The following TBX5 variants were observed in gnomAD, a reference collection of about 807,000 sequenced individuals.
TBX5 encodes T-box transcription factor TBX5.
TBX5 carries 8 observed loss-of-function variants against 51.1 expected under a neutral mutation model. The ratio of observed to expected loss-of-function variants is 0.16; its 90% CI spans 0.09 to 0.28. The LOEUF (loss-of-function observed/expected upper bound fraction) is 0.28, where lower values mean the gene tolerates loss of function less well. Among genes scored for constraint, TBX5 ranks in the 10% least tolerant of loss-of-function variants. The pLI, the probability that TBX5 is intolerant of heterozygous loss-of-function variation, is 1.00. For synonymous variants in TBX5, 302 were observed against 266.4 expected (o/e 1.13, Z -1.30); for missense variants, 589 against 671.7 (o/e 0.88, Z 1.36).
Position 114,366,035 on chromosome 12 carries a change from T to C in TBX5, c.982+130A>G, listed in dbSNP as rs891219677. On this transcript the variant is annotated intron_variant, in intron 8 of 8. Coordinates refer to ENST00000405440, the MANE Select transcript of TBX5 (RefSeq NM_181486.4). ...TTGGTTTAAATTTCTTATCTCCATA[T>C]ATTTTTGTGTTGTTTACATTTTTAA... 9 of 1,075,246 alleles carry C rather than the reference T, an allele frequency of 8.4e-6. No individual in the cohort carries two copies. The African/African-American group carries it at 1.1e-4, about 13-fold the overall frequency. 66.6% of individuals were successfully genotyped at this position (1,075,246 alleles called of 1,614,324 possible). A position where few individuals can be genotyped will look rare whatever the true frequency, so the allele number is the denominator to read the frequency against.
upstream of TBX5, chr12:114,407,708 A>G: frequency 2.1e-6 from 2 of 939,934 alleles, no homozygotes; most frequent in Non-Finnish European, 2.5e-6. Context: ...AAGTAGCAGC[A>G]CAGCAAGAGA....
intron 8 of TBX5, among the ~76,000 whole-genome samples, chr12:114,363,575 T>A (rs1450529965): frequency 3.3e-5 from 5 of 152,304 alleles, no homozygotes; most frequent in Middle Eastern, 3.4e-3. Context: ...TGACCCAGTC[T>A]CAAAGACAGA....
chr12:114,407,203 C>A, upstream of TBX5: 1 of 730,806 alleles, frequency 1.4e-6, no homozygotes, highest in Non-Finnish European at 1.7e-6. Context: ...GAATGTGGGG[C>A]AACCGGGGAG....
intron 6 of TBX5, among the ~76,000 whole-genome samples, chr12:114,389,069 C>G (rs1194347722): frequency 6.6e-6 from 1 of 152,030 alleles, no homozygotes; most frequent in Non-Finnish European, 1.5e-5. Flanking sequence ...GCTGAGATGA[C>G]AGGTGCCCAC....
At chr12:114,369,139 G>A (rs1869718623) in intron 7 of TBX5, among the ~76,000 whole-genome samples, 1 of 152,116 alleles carries the variant, frequency 6.6e-6, no homozygotes, top group South Asian at 2.1e-4. Flanking sequence ...CAAGAGGAAG[G>A]GGGAAATCTC....
At chr12:114,398,004 G>A (rs1022065500) in intron 5 of TBX5, among the ~76,000 whole-genome samples, 3 of 152,200 alleles carry the variant, frequency 2.0e-5, no homozygotes, top group African/African-American at 7.2e-5. Flanking sequence ...TATCCACTGG[G>A]CTAGGAGGTC....
intron 7 of TBX5, among the ~76,000 whole-genome samples, chr12:114,381,140 T>C (rs950908223): frequency 6.6e-6 from 1 of 151,808 alleles, no homozygotes; most frequent in Admixed American, 6.6e-5. Context: ...ACACAGGGAG[T>C]TGGGCCAAGA....
intron 6 of TBX5, among the ~76,000 whole-genome samples, chr12:114,392,377 G>A (rs375725083): frequency 2.0e-5 from 3 of 152,184 alleles, no homozygotes; most frequent in East Asian, 3.9e-4. Flanking sequence ...TTATCTAGTT[G>A]TCTGTTTCAA....
chr12:114,405,032 G>T (rs569913531), intron 1 of TBX5, among the ~76,000 whole-genome samples: 65 of 152,282 alleles, frequency 4.3e-4, no homozygotes, highest in South Asian at 6.2e-4. Flanking sequence ...TCTTCTATAC[G>T]CAAGTAGGAA....
intron 8 of TBX5, among the ~76,000 whole-genome samples, chr12:114,362,727 C>T (rs990006576): frequency 6.6e-6 from 1 of 152,164 alleles, no homozygotes; most frequent in African/African-American, 2.4e-5. Flanking sequence ...TGCAGTGGTG[C>T]AATCACAGCT....
At chr12:114,358,740 C>A (rs184392132) in intron 8 of TBX5, among the ~76,000 whole-genome samples, 1 of 152,022 alleles carries the variant, frequency 6.6e-6, no homozygotes, top group East Asian at 1.9e-4. Context: ...GATGAATGAA[C>A]GGCCACATTT....
In TBX5 at chr12:114,355,709, G is replaced by A. The variant is rs575162861; in HGVS notation, c.1380C>T (p.Ser460=). 3.2e-5 allele frequency: 51 copies of A among 1,614,144 alleles called. No homozygotes were observed. In the South Asian group the frequency reaches 3.2e-4, roughly 10 times the overall value. ...LGEGMFQHQT[S]VAHQPVVRQC... is the part of the protein sequence containing the mutation. ...GCCTGACCACAGGCTGGTGGGCCAC[G>A]GAGGTCTGGTGCTGGAACATTCCCT... Residue 460 remains serine (S), a synonymous_variant, in exon 9 of 9, where the codon TCC becomes TCT. Coordinates refer to ENST00000405440, the MANE Select transcript of TBX5 (RefSeq NM_181486.4).
chr12:114,362,864 T>C (rs1353620072), intron 8 of TBX5, among the ~76,000 whole-genome samples: 1 of 152,128 alleles, frequency 6.6e-6, no homozygotes, highest in Non-Finnish European at 1.5e-5. Flanking sequence ...GGAGTCTTAC[T>C]ATGTTGCCCA....
chr12:114,401,677 C>A, intron 3 of TBX5, 149 bp downstream of exon 3: 1 of 716,774 alleles, frequency 1.4e-6, no homozygotes, highest in Non-Finnish European at 2.5e-6. Flanking sequence ...CTTTCGCTCT[C>A]TCTCTCCTCT....
At chr12:114,393,674 C>T (rs1337065143) in intron 6 of TBX5, among the ~76,000 whole-genome samples, 2 of 152,166 alleles carry the variant, frequency 1.3e-5, no homozygotes, top group African/African-American at 4.8e-5. Context: ...TTTGAAATGC[C>T]AAAACCAGTG....
At chr12:114,365,524 A>G (rs1869470544) in intron 8 of TBX5, among the ~76,000 whole-genome samples, 1 of 152,206 alleles carries the variant, frequency 6.6e-6, no homozygotes, top group South Asian at 2.1e-4. Flanking sequence ...GATTTCATCT[A>G]TATTAAAAGT....
intron 8 of TBX5, among the ~76,000 whole-genome samples, chr12:114,362,526 C>G (rs1352066631): frequency 1.3e-5 from 2 of 152,144 alleles, no homozygotes; most frequent in African/African-American, 2.4e-5. Context: ...CACACCTCCC[C>G]CTTCTCCTAT....
At chr12:114,408,126 C>G (rs1872343130), upstream of TBX5, 3 of 985,330 alleles carry the variant, frequency 3.0e-6, no homozygotes, top group South Asian at 9.4e-5. Context: ...GCAACCGGCC[C>G]GCGCGCTGTC....
intron 2 of TBX5, among the ~76,000 whole-genome samples, chr12:114,402,160 T>C (rs745638946): frequency 3.9e-5 from 6 of 152,248 alleles, no homozygotes; most frequent in Non-Finnish European, 5.9e-5. Context: ...CCCACAGTGC[T>C]GTATTGTCTG....
Sources: allele counts gnomAD v4.1 joint callset (sites outside exome capture counted in the v4.1 genomes callset), GRCh38; gene constraint gnomAD v4.1.1; transcripts MANE v1.5; gene names NCBI Gene and HGNC (gene_info 2026-07-23, HGNC 2026-07-21).